CDK15: variants seen among roughly 807,000 people sequenced by gnomAD.
The protein encoded by CDK15 is cyclin-dependent kinase 15.
Under a neutral mutation model 60.3 loss-of-function variants are expected in CDK15, and 62 were observed. The ratio of observed to expected loss-of-function variants is 1.03; its 90% CI spans 0.84 to 1.27. The LOEUF is 1.27. Among genes scored for constraint, CDK15 ranks in the 50% most tolerant of loss-of-function variants. CDK15 has a pLI of 0.00. For synonymous variants in CDK15, 194 were observed against 195.7 expected (o/e 0.99, Z 0.07); for missense variants, 541 against 527.8 (o/e 1.03, Z -0.25).
intron 6 of CDK15, chr2:201,824,857 C>T (rs1405937125): frequency 6.6e-6 from 4 of 608,814 alleles, no homozygotes; most frequent in African/African-American, 5.9e-5. Context: ...AACCACAGGC[C>T]CTTCCCCTTC....
intron 12 of CDK15, among the ~76,000 whole-genome samples, chr2:201,886,640 A>G (rs1217139167): frequency 2.0e-5 from 3 of 152,188 alleles, no homozygotes; most frequent in African/African-American, 7.2e-5. Context: ...TTCTTAATCG[A>G]TGGTGATAAA....
chr2:201,889,753 TATAA>T (rs1433684013), intron 12 of CDK15, among the ~76,000 whole-genome samples: 1 of 152,022 alleles, frequency 6.6e-6, no homozygotes, highest in South Asian at 2.1e-4. Context: ...TTAGAGTCTA[TATAA>T]ATAGATTGCC....
chr2:201,890,871 G>C lies in CDK15; in HGVS notation c.1285G>C (p.Ala429Pro). 6.2e-7 allele frequency: 1 copy of C among 1,613,400 alleles called. No individual in the cohort carries two copies. The highest frequency in any genetic ancestry group is 8.5e-7 in the Non-Finnish European group (1 of 1,179,550). Residue 429 changes from alanine (A) to proline (P), a missense_variant, in exon 13 of 14, where the codon GCC becomes CCC. Coordinates refer to ENST00000652192, the MANE Select transcript of CDK15 (RefSeq NM_001366386.2). ...CTCCTACCAGAAAGGTCACCACCCA[G>C]CCCAGTTTAGCAAATGCTGGTGAAA... ...LASYQKGHHP[A>P]QFSKCW
chr2:201,819,203 A>G (rs1383989992), intron 4 of CDK15, among the ~76,000 whole-genome samples: 1 of 152,196 alleles, frequency 6.6e-6, no homozygotes, highest in African/African-American at 2.4e-5. Flanking sequence ...AGAATGGTCA[A>G]GGAAGTCTGC....
chr2:201,878,781 G>C (rs75059078), intron 11 of CDK15, among the ~76,000 whole-genome samples: 5,035 of 152,302 alleles, frequency 0.033, 196 homozygotes, highest in East Asian at 0.19. Flanking sequence ...CTGCTTCACA[G>C]ATGGCACCTT....
At chr2:201,891,876 C>T (rs114193628) in intron 13 of CDK15, among the ~76,000 whole-genome samples, 2,457 of 152,296 alleles carry the variant, frequency 0.016, 23 homozygotes, top group Middle Eastern at 0.048. Context: ...GATTTGGCCA[C>T]CCATTTGACA....
At chr2:201,846,271 T>C (rs550644928) in intron 8 of CDK15, among the ~76,000 whole-genome samples, 2 of 152,148 alleles carry the variant, frequency 1.3e-5, no homozygotes, top group Admixed American at 1.3e-4. Context: ...GGTGGGTGGA[T>C]CACTTGAGGT....
In CDK15 at chr2:201,837,303, C is replaced by CAAAG. The variant is rs1553524450; in HGVS notation, c.851+1541_851+1542insAAGA. 5.7e-5 allele frequency among the ~76,000 whole-genome samples: 7 copies of CAAAG among 123,688 alleles called. No individual in the cohort carries two copies. The East Asian group carries it at 1.5e-3, about 27-fold the overall frequency. The allele number at this position is 123,688 out of a possible 152,430, so 81.1% of individuals were successfully genotyped here. On this transcript the variant is annotated intron_variant, in intron 8 of 13. Coordinates refer to ENST00000652192, the MANE Select transcript of CDK15 (RefSeq NM_001366386.2). ...ACCCCGTCTGAAAGAAAGAAAGAAA[C>CAAAG]AGAGAGAGAGAGAGAGAGAGAAAGA... is the stretch of plus-strand genomic sequence containing the variant.
chr2:201,872,327 G>T lies in CDK15; in HGVS notation c.1058+1G>T, dbSNP rs781412173. On this transcript the variant is annotated splice_donor_variant, in intron 11 of 13. Transcript: ENST00000652192. LOFTEE classifies it high-confidence loss of function. Reference sequence around the variant, plus strand: ...GAAGCCTTCATGTTGTCTGGAACAGGTGAGTACTACCTCAGGAAGGGATCT... The same window carrying T: ...GAAGCCTTCATGTTGTCTGGAACAGTTGAGTACTACCTCAGGAAGGGATCT... 15 of 1,613,876 alleles carry T rather than the reference G, an allele frequency of 9.3e-6. No individual in the cohort carries two copies. In the Admixed American group the frequency reaches 2.5e-4, roughly 27 times the overall value.
intron 12 of CDK15, among the ~76,000 whole-genome samples, chr2:201,884,724 C>T (rs922918621): frequency 1.3e-5 from 2 of 152,078 alleles, no homozygotes; most frequent in Admixed American, 6.6e-5. Flanking sequence ...AATTATTTTG[C>T]TTATCTCTGA....
rs1340552388 is a variant in CDK15, at chr2:201,893,524, C to T, written c.*257C>T. 1.3e-5 allele frequency: 2 copies of T among 152,202 alleles called. No individual in the cohort carries two copies. The highest frequency in any genetic ancestry group is 4.8e-5 in the African/African-American group (2 of 41,444). 9.4% of individuals were successfully genotyped at this position (152,202 alleles called of 1,614,324 possible). On this transcript the variant is annotated 3_prime_UTR_variant, in exon 14 of 14. Coordinates refer to ENST00000652192, the MANE Select transcript of CDK15 (RefSeq NM_001366386.2). Reference sequence around the variant, plus strand: ...AAGTGATTGATTTAAAAAAACTGGACATAAACTAAGTCTAAGAAGAGGGCT... The same window carrying T: ...AAGTGATTGATTTAAAAAAACTGGATATAAACTAAGTCTAAGAAGAGGGCT...
intron 7 of CDK15, among the ~76,000 whole-genome samples, chr2:201,834,608 G>C (rs146335373): frequency 6.6e-6 from 1 of 152,136 alleles, no homozygotes; most frequent in Non-Finnish European, 1.5e-5. Flanking sequence ...ATAGATTTGC[G>C]TGATGATTTT....
chr2:201,855,075 C>G, intron 10 of CDK15, 138 bp downstream of exon 10: 1 of 698,528 alleles, frequency 1.4e-6, no homozygotes. Flanking sequence ...TCATATATTC[C>G]CTGACTAATC....
At chr2:201,815,886 T>C (rs745459032) in intron 4 of CDK15, among the ~76,000 whole-genome samples, 1 of 152,182 alleles carries the variant, frequency 6.6e-6, no homozygotes. Flanking sequence ...ATTTTTGTTG[T>C]AGAGATAAAG....
At chr2:201,842,739 A>G (rs1697453701) in intron 8 of CDK15, among the ~76,000 whole-genome samples, 1 of 152,206 alleles carries the variant, frequency 6.6e-6, no homozygotes, top group Non-Finnish European at 1.5e-5. Flanking sequence ...CAGAAAGAGG[A>G]GAAAACATCT....
intron 6 of CDK15, 49 bp downstream of exon 6, chr2:201,823,776 A>T (rs1443218371): frequency 2.0e-6 from 3 of 1,514,448 alleles, no homozygotes; most frequent in African/African-American, 1.4e-5. Flanking sequence ...CCACAGAAGG[A>T]GAATTCTGAA....
chr2:201,848,855 T>C (rs1697784250), intron 9 of CDK15, among the ~76,000 whole-genome samples: 1 of 151,978 alleles, frequency 6.6e-6, no homozygotes, highest in South Asian at 2.1e-4. Context: ...TTACTGACAT[T>C]AAATTTTCTT....
chr2:201,833,710 C>G, intron 6 of CDK15, 138 bp from the exon 7 acceptor site: 2 of 617,476 alleles, frequency 3.2e-6, no homozygotes, highest in Non-Finnish European at 4.8e-6. Flanking sequence ...TCTTCTTCTT[C>G]TTCTTCTTTT....
intron 6 of CDK15, among the ~76,000 whole-genome samples, chr2:201,831,571 A>G (rs1696754093): frequency 6.6e-6 from 1 of 152,186 alleles, no homozygotes; most frequent in Admixed American, 6.5e-5. Context: ...CAATTTTGAG[A>G]AATGTGGTTA....
Sources: gnomAD v4.1 joint callset for allele counts (sites outside exome capture counted in the v4.1 genomes callset) on GRCh38, gnomAD v4.1.1 for gene constraint, MANE v1.5 for transcripts, NCBI Gene and HGNC (gene_info 2026-07-23, HGNC 2026-07-21) for gene names.